Variants in NREP observed in about 807,000 individuals in gnomAD.
The protein encoded by NREP is neuronal regeneration-related protein.
In NREP, 5 loss-of-function variants were observed where a neutral mutation model predicts 8.6. The ratio of observed to expected loss-of-function variants is 0.58; its 90% CI spans 0.30 to 1.22. The LOEUF (loss-of-function observed/expected upper bound fraction) is 1.22, where lower values mean the gene tolerates loss of function less well. Among genes scored for constraint, NREP ranks in the 50% most tolerant of loss-of-function variants. The pLI is 0.07. For synonymous variants in NREP, 27 were observed against 28.0 expected, an observed-to-expected ratio of 0.96 and a Z score of 0.11; for missense variants, 86 against 82.5, an observed-to-expected ratio of 1.04 and a Z score of -0.17.
intron 2 of NREP, among the ~76,000 whole-genome samples, chr5:111,868,833 C>CTT (rs11352654): frequency 5.2e-4 from 75 of 143,824 alleles, no homozygotes; most frequent in Middle Eastern, 3.8e-3. Flanking sequence ...TCCAGTTTTT[C>CTT]TTTTTTTTTT....
At chr5:111,839,031 T>C (rs1007019039) in intron 2 of NREP, among the ~76,000 whole-genome samples, 4 of 152,064 alleles carry the variant, frequency 2.6e-5, no homozygotes, top group Non-Finnish European at 5.9e-5. Flanking sequence ...TATTTCAGAA[T>C]GGGATGTCAT....
Position 111,898,242 on chromosome 5 carries a change from G to A in NREP, c.135+77032C>T, listed in dbSNP as rs538714097. Among the ~76,000 whole-genome samples, 12 of 152,260 alleles carry A rather than the reference G, an allele frequency of 7.9e-5. No homozygotes were observed. In the South Asian group the frequency reaches 2.5e-3, roughly 32 times the overall value. On this transcript the variant is annotated intron_variant, in intron 2 of 3. Coordinates refer to the NREP transcript ENST00000395634. ...GTAGAAGCAGGAAAATATGGAAGGA[G>A]GCGATTGCAGTAATAAAGACAAGAG...
At chr5:111,949,698 T>C (rs938807381) in intron 2 of NREP, among the ~76,000 whole-genome samples, 3 of 152,166 alleles carry the variant, frequency 2.0e-5, no homozygotes, top group East Asian at 1.9e-4. Flanking sequence ...TCTGTTTCTG[T>C]GTTAGTTTGC....
intron 2 of NREP, among the ~76,000 whole-genome samples, chr5:111,969,758 G>C (rs1041311510): frequency 2.0e-5 from 3 of 152,144 alleles, no homozygotes; most frequent in African/African-American, 7.2e-5. Context: ...TTGGACTTAA[G>C]TCCTAGAGAG....
intron 2 of NREP, among the ~76,000 whole-genome samples, chr5:111,905,018 T>C (rs1390828079): frequency 6.6e-6 from 1 of 152,042 alleles, no homozygotes; most frequent in East Asian, 1.9e-4. Context: ...CTCTCTCCAT[T>C]CTGAAATAAG....
At chr5:111,949,879 G>A (rs868331158) in intron 2 of NREP, among the ~76,000 whole-genome samples, 5 of 151,996 alleles carry the variant, frequency 3.3e-5, no homozygotes, top group African/African-American at 1.2e-4. Context: ...AAATAGTGCT[G>A]AAATAAACAT....
chr5:111,869,964 T>G (rs1352075872), intron 2 of NREP, among the ~76,000 whole-genome samples: 2 of 151,844 alleles, frequency 1.3e-5, no homozygotes, highest in Non-Finnish European at 2.9e-5. Context: ...TGTGACTTAC[T>G]TTAAAGAACT....
chr5:111,789,253 T>C lies in NREP; in HGVS notation c.136-53746A>G, dbSNP rs371289809. Among the ~76,000 whole-genome samples, 217 of 152,316 alleles carry C rather than the reference T, an allele frequency of 1.4e-3. 2 individuals are homozygous for C. In the South Asian group the frequency reaches 0.02, roughly 14 times the overall value. On this transcript the variant is annotated intron_variant, in intron 2 of 3. Coordinates refer to the NREP transcript ENST00000395634. ...CATCATACACATACCCAATTGCAGCTTTTTTTCTTTCTCTTGACAAATTTC... is the reference window on the plus strand; with the variant it reads ...CATCATACACATACCCAATTGCAGCCTTTTTTCTTTCTCTTGACAAATTTC...
intron 2 of NREP, among the ~76,000 whole-genome samples, chr5:111,747,216 C>A (rs750589955): frequency 2.6e-5 from 4 of 152,110 alleles, no homozygotes; most frequent in Admixed American, 1.3e-4. Context: ...ACTAGTTTTC[C>A]CTTGATAGTC....
intron 2 of NREP, among the ~76,000 whole-genome samples, chr5:111,932,130 A>G (rs1433105607): frequency 2.0e-5 from 3 of 151,706 alleles, no homozygotes; most frequent in Non-Finnish European, 4.4e-5. Context: ...AAAAAAAAAA[A>G]AAAGAAAAGA....
chr5:111,786,313 G>A (rs943401271), intron 2 of NREP, among the ~76,000 whole-genome samples: 35 of 152,152 alleles, frequency 2.3e-4, no homozygotes, highest in Non-Finnish European at 4.9e-4. Flanking sequence ...CAGCCATGTG[G>A]AGCTGTGAGT....
Position 111,755,815 on chromosome 5 carries a change from G to A in NREP, c.-43C>T. 6.2e-7 allele frequency: 1 copy of A among 1,613,230 alleles called. No homozygotes were observed. The highest frequency in any genetic ancestry group is 8.5e-7 in the Non-Finnish European group (1 of 1,179,274). On this transcript the variant is annotated 5_prime_UTR_variant, in exon 2 of 4. Coordinates refer to ENST00000257435, the MANE Select transcript of NREP (RefSeq NM_004772.4). ...TGGGCTTCTATTCTCCCTCTCTTCA[G>A]TCCAGGGAGACCAACCTGCAAAATA...
intron 2 of NREP, among the ~76,000 whole-genome samples, chr5:111,900,117 A>C (rs920831346): frequency 6.6e-6 from 1 of 152,128 alleles, no homozygotes; most frequent in Non-Finnish European, 1.5e-5. Context: ...TAATGAAATA[A>C]AACTAGAAAT....
chr5:111,912,255 G>C (rs759482980), intron 2 of NREP, among the ~76,000 whole-genome samples: 12 of 151,708 alleles, frequency 7.9e-5, no homozygotes, highest in Non-Finnish European at 1.6e-4. Context: ...ATCCAGAATG[G>C]TGTGGCTTCC....
rs557510704 is a variant in NREP at position 111,871,942 on chromosome 5, T to G, written c.135+103332A>C. Among the ~76,000 whole-genome samples the G allele has an allele frequency of 2.7e-5, 4 of 149,872 alleles. No homozygotes were observed. In the East Asian group the frequency reaches 7.8e-4, roughly 29 times the overall value. ...TTCAGTGTGTGTATATATATCCTAT[T>G]GGTTCCATTAGCATATATGTGTGCT... On this transcript the variant is annotated intron_variant, in intron 2 of 3. Transcript: ENST00000395634.
upstream of NREP, chr5:111,757,372 C>A: frequency 4.2e-6 from 4 of 947,156 alleles, no homozygotes; most frequent in Non-Finnish European, 5.0e-6. Context: ...GAGATCATCT[C>A]CCTGCCTCGC....
intron 2 of NREP, among the ~76,000 whole-genome samples, chr5:111,749,951 AGTGAGTGAGT>A (rs1311098449): frequency 2.6e-5 from 4 of 152,134 alleles, no homozygotes; most frequent in African/African-American, 9.7e-5. Context: ...AGAAAGTGTA[AGTGAGTGAGT>A]GTGTGTGTTC....
chr5:111,835,520 G>A (rs1752872566), intron 2 of NREP, among the ~76,000 whole-genome samples: 1 of 152,116 alleles, frequency 6.6e-6, no homozygotes, highest in South Asian at 2.1e-4. Flanking sequence ...AAATCCTTGA[G>A]CTAAGATTTA....
chr5:111,742,525 G>C (rs1487464093), intron 2 of NREP, among the ~76,000 whole-genome samples: 1 of 152,060 alleles, frequency 6.6e-6, no homozygotes, highest in African/African-American at 2.4e-5. Context: ...TTTGGCTGCT[G>C]AGTGTTTTAA....
Sources: allele counts gnomAD v4.1 joint callset (sites outside exome capture counted in the v4.1 genomes callset), GRCh38; gene constraint gnomAD v4.1.1; transcripts MANE v1.5; gene names NCBI Gene and HGNC (gene_info 2026-07-23, HGNC 2026-07-21).